The following KPNA5 variants were observed in gnomAD, a reference collection of about 807,000 sequenced individuals.
KPNA5 encodes the protein karyopherin subunit alpha 5.
Under a neutral mutation model 71.3 loss-of-function variants are expected in KPNA5, and 46 were observed. That is an observed-to-expected ratio of 0.65 (90% CI 0.51 to 0.83). The LOEUF is 0.83. KPNA5 is among the 40% of genes least tolerant of loss of function. The pLI, the probability that KPNA5 is intolerant of heterozygous loss-of-function variation, is 0.00. For missense variants in KPNA5, 547 were observed against 628.3 expected (o/e 0.87, Z 1.38); for synonymous variants, 207 against 201.4 (o/e 1.03, Z -0.24).
At chr6:116,722,473 C>G (rs1779144760) in intron 9 of KPNA5, among the ~76,000 whole-genome samples, 184 bp downstream of exon 9, 1 of 152,080 alleles carries the variant, frequency 6.6e-6, no homozygotes, top group South Asian at 2.1e-4. Flanking sequence ...GAACTTATGT[C>G]CTATAGTTGG....
chr6:116,694,870 G>A (rs1262905232), intron 4 of KPNA5, among the ~76,000 whole-genome samples: 1 of 152,102 alleles, frequency 6.6e-6, no homozygotes, highest in Non-Finnish European at 1.5e-5. Flanking sequence ...GGGTCAAAGG[G>A]AATACACTGT....
chr6:116,729,714 T>C lies in KPNA5; in HGVS notation c.1405T>C (p.Tyr469His). The C allele has an allele frequency of 6.4e-7, 1 of 1,574,486 alleles. No individual in the cohort carries two copies. ...GCAGAATGGAATAGGCATTAATCCA[T>C]ACTGTGCTCTCATTGAAGAAGCATA... ...SKQNGIGINPYCALIEEAYGL... is the reference protein window; with the variant it reads ...SKQNGIGINPHCALIEEAYGL... Residue 469 changes from tyrosine (Y) to histidine (H), a missense_variant, in exon 13 of 14, where the codon TAC (tyrosine) becomes CAC (histidine). Coordinates refer to ENST00000368564, the MANE Select transcript of KPNA5 (RefSeq NM_001366306.2).
chr6:116,698,303 A>G lies in KPNA5; in HGVS notation c.341-401A>G, dbSNP rs575635389. The stretch of plus-strand genomic sequence containing the variant: ...ATCTTGTTTGACAGACATTAGGTAA[A>G]TTGTGGTTGATAATGAAGGAGATAT... On this transcript the variant is annotated intron_variant, in intron 4 of 13. Coordinates refer to ENST00000368564, the MANE Select transcript of KPNA5 (RefSeq NM_001366306.2). 7.9e-5 allele frequency among the ~76,000 whole-genome samples: 12 copies of G among 152,172 alleles called. 1 individual carries two copies. In the South Asian group the frequency reaches 2.5e-3, roughly 32 times the overall value.
chr6:116,716,193 A>C, intron 7 of KPNA5, 26 bp from the exon 8 acceptor site: 1 of 1,548,080 alleles, frequency 6.5e-7, no homozygotes, highest in Non-Finnish European at 8.9e-7. Flanking sequence ...TAAGGTGATA[A>C]TTCTTTTTTT....
chr6:116,725,815 T>C lies in KPNA5; in HGVS notation c.1064T>C (p.Ile355Thr). Residue 355 changes from isoleucine (I) to threonine (T), a missense_variant, in exon 11 of 14, where the codon ATT (isoleucine) becomes ACT (threonine). Physicochemically the swap from Ile to Thr is moderately conservative, Grantham distance 89. Transcript: ENST00000368564. ...LHLLSSPKESIRKEACWTVSN... is the reference protein window; with the variant it reads ...LHLLSSPKESTRKEACWTVSN... Reference sequence around the variant, plus strand: ...TTATTGAGTAGCCCAAAGGAGTCAATTAGAAAAGAAGCCTGCTGGACTGTT... The same window carrying C: ...TTATTGAGTAGCCCAAAGGAGTCAACTAGAAAAGAAGCCTGCTGGACTGTT... The C allele has an allele frequency of 6.2e-7, 1 of 1,613,454 alleles. No homozygotes were observed. Among genetic ancestry groups the C allele is most frequent in the Non-Finnish European group, 8.5e-7 (1 of 1,179,636 alleles).
intron 6 of KPNA5, among the ~76,000 whole-genome samples, chr6:116,702,549 G>A (rs764886391): frequency 1.3e-5 from 2 of 152,044 alleles, no homozygotes; most frequent in Non-Finnish European, 2.9e-5. Flanking sequence ...CAGGCGTGGT[G>A]CCACAGCTCC....
Position 116,739,531 on chromosome 6 carries a change from G to A in KPNA5, c.*7208G>A, listed in dbSNP as rs866702857. Reference sequence around the variant, plus strand: ...TTCATATGGAACCAAAAAAGAGCCCGCATCGCCAAGTCAATCCTAAGCCAA... The same window carrying A: ...TTCATATGGAACCAAAAAAGAGCCCACATCGCCAAGTCAATCCTAAGCCAA... On this transcript the variant is annotated 3_prime_UTR_variant, in exon 14 of 14. Coordinates refer to ENST00000368564, the MANE Select transcript of KPNA5 (RefSeq NM_001366306.2). The A allele has an allele frequency of 5.9e-5, 9 of 152,172 alleles. No homozygotes were observed. Among genetic ancestry groups the A allele is most frequent in the African/African-American group, 1.2e-4 (5 of 41,522 alleles). 9.4% of individuals were successfully genotyped at this position (152,172 alleles called of 1,614,324 possible).
rs150392267 is a variant in KPNA5, at chr6:116,698,370, C to T, written c.341-334C>T. 3.9e-3 allele frequency among the ~76,000 whole-genome samples: 598 copies of T among 152,104 alleles called. 15 individuals are homozygous for T. The South Asian group carries it at 0.04, about 10-fold the overall frequency. On this transcript the variant is annotated intron_variant, in intron 4 of 13. Coordinates refer to ENST00000368564, the MANE Select transcript of KPNA5 (RefSeq NM_001366306.2). ...TAGTACTATAAAGAATTAGTGGAAA[C>T]TTAATTCCTCAGTTGGTATTTTGAG...
intron 7 of KPNA5, among the ~76,000 whole-genome samples, chr6:116,709,833 T>C (rs1052209745): frequency 1.3e-5 from 2 of 151,966 alleles, no homozygotes; most frequent in Admixed American, 6.6e-5. Flanking sequence ...GGCATGATCT[T>C]GGCTCACTGC....
chr6:116,739,439 A>T lies in KPNA5; in HGVS notation c.*7116A>T, dbSNP rs1779789663. ...CCATACTGCCCAAGGTAATTTATAG[A>T]TTCAATGCCATCCCCATCAAGCTAC... is the stretch of plus-strand genomic sequence containing the variant. On this transcript the variant is annotated 3_prime_UTR_variant, in exon 14 of 14. Transcript: ENST00000368564. 1 of 152,140 alleles carries T rather than the reference A, an allele frequency of 6.6e-6. No homozygotes were observed. Among genetic ancestry groups the T allele is most frequent in the Non-Finnish European group, 1.5e-5 (1 of 68,020 alleles). The allele number at this position is 152,140 out of a possible 1,614,324, so 9.4% of individuals were successfully genotyped here.
chr6:116,689,223 A>T (rs1777699635), intron 1 of KPNA5, 97 bp from the exon 2 acceptor site: 1 of 1,295,028 alleles, frequency 7.7e-7, no homozygotes, highest in Non-Finnish European at 1.1e-6. Flanking sequence ...TTGACCTGTT[A>T]ATCAGTGAGC....
intron 7 of KPNA5, among the ~76,000 whole-genome samples, chr6:116,711,911 G>C (rs886714212): frequency 6.6e-5 from 10 of 152,144 alleles, no homozygotes; most frequent in Admixed American, 1.3e-4. Flanking sequence ...GTGAGCCACT[G>C]CGCTAGGCCT....
chr6:116,710,748 T>C (rs540856399), intron 7 of KPNA5, among the ~76,000 whole-genome samples: 1 of 151,248 alleles, frequency 6.6e-6, no homozygotes, highest in South Asian at 2.1e-4. Context: ...TGTTTCTAAG[T>C]GGTTTTTCAT....
intron 7 of KPNA5, among the ~76,000 whole-genome samples, chr6:116,712,261 T>C (rs1442854116): frequency 6.6e-6 from 1 of 152,200 alleles, no homozygotes; most frequent in Admixed American, 6.5e-5. Flanking sequence ...TTCTTCCTGA[T>C]AGATTGACTT....
Position 116,740,276 on chromosome 6 carries a change from A to G in KPNA5, c.*7953A>G, listed in dbSNP as rs1562463302. 1 of 152,252 alleles carries G rather than the reference A, an allele frequency of 6.6e-6. No homozygotes were observed. Among genetic ancestry groups the G allele is most frequent in the Non-Finnish European group, 1.5e-5 (1 of 68,056 alleles). 9.4% of individuals were successfully genotyped at this position (152,252 alleles called of 1,614,324 possible). A position where few individuals can be genotyped will look rare whatever the true frequency, so the allele number is the denominator to read the frequency against. ...CATCACTGGCCATCAGACAAATGCA[A>G]ATCAAAACCACAATGAGATACCATC... On this transcript the variant is annotated 3_prime_UTR_variant, in exon 14 of 14. Transcript: ENST00000368564.
intron 7 of KPNA5, among the ~76,000 whole-genome samples, chr6:116,715,510 GACAT>G (rs1402871587): frequency 6.6e-6 from 1 of 152,060 alleles, no homozygotes; most frequent in Non-Finnish European, 1.5e-5. Context: ...AAAATACTAA[GACAT>G]ACTCTGTTAA....
At chr6:116,703,294 C>T (rs536666619) in intron 6 of KPNA5, among the ~76,000 whole-genome samples, 2 of 148,834 alleles carry the variant, frequency 1.3e-5, no homozygotes, top group Admixed American at 6.7e-5. Context: ...TGAAGTCTTG[C>T]TCTCGTCCCC....
At chr6:116,684,915 T>G (rs1255030265) in intron 1 of KPNA5, among the ~76,000 whole-genome samples, 1 of 152,206 alleles carries the variant, frequency 6.6e-6, no homozygotes, top group Non-Finnish European at 1.5e-5. Context: ...CAACTGGAAC[T>G]CTCATACATT....
In KPNA5 at chr6:116,741,353, C is replaced by T. The variant is rs977534655; in HGVS notation, c.*9030C>T. On this transcript the variant is annotated 3_prime_UTR_variant, in exon 14 of 14. Transcript: ENST00000368564. ...TTTTGTGCATAGAAATTTAGAATTACATCTTTTTTTTTAAGGTTCAGATGA... is the reference window on the plus strand; with the variant it reads ...TTTTGTGCATAGAAATTTAGAATTATATCTTTTTTTTTAAGGTTCAGATGA... 9.1e-5 allele frequency: 12 copies of T among 132,168 alleles called. No homozygotes were observed. The highest frequency in any genetic ancestry group is 7.0e-4 in the Admixed American group (10 of 14,272). The allele number at this position is 132,168 out of a possible 1,614,324, so 8.2% of individuals were successfully genotyped here.
Sources: gnomAD v4.1 joint callset for allele counts (sites outside exome capture counted in the v4.1 genomes callset) on GRCh38, gnomAD v4.1.1 for gene constraint, MANE v1.5 for transcripts, NCBI Gene and HGNC (gene_info 2026-07-23, HGNC 2026-07-21) for gene names.